ZNF331: variants seen among roughly 807,000 people sequenced by gnomAD.
The protein encoded by ZNF331 is zinc finger protein 331.
Under a neutral mutation model 7.0 loss-of-function variants are expected in ZNF331, and 2 were observed. The observed-to-expected ratio is 0.29, with a 90% CI of 0.12 to 0.90. ZNF331 has a LOEUF of 0.90. ZNF331 is among the 40% of genes least tolerant of loss of function. ZNF331 has a pLI of 0.58. For synonymous variants in ZNF331, 196 were observed against 205.4 expected (o/e 0.95, Z 0.39); for missense variants, 432 against 587.7 (o/e 0.74, Z 2.74).
upstream of ZNF331, among the ~76,000 whole-genome samples, chr19:53,520,039 C>T (rs2087008245): frequency 1.3e-5 from 2 of 151,064 alleles, no homozygotes; most frequent in African/African-American, 2.4e-5. Context: ...GCTTTCCGGG[C>T]TTATTATTAT....
chr19:53,542,883 C>T (rs922529870), intron 2 of ZNF331, among the ~76,000 whole-genome samples: 4 of 152,226 alleles, frequency 2.6e-5, no homozygotes, highest in Admixed American at 2.0e-4. Flanking sequence ...AATCGCGGCT[C>T]ACCGCAACCT....
At chr19:53,574,379 G>A (rs775098060) in intron 5 of ZNF331, among the ~76,000 whole-genome samples, 1 of 152,162 alleles carries the variant, frequency 6.6e-6, no homozygotes, top group South Asian at 2.1e-4. Flanking sequence ...ACCCTGAGGT[G>A]TTGGAGAGCT....
chr19:53,525,296 G>A (rs139638710), intron 2 of ZNF331, among the ~76,000 whole-genome samples: 103 of 152,202 alleles, frequency 6.8e-4, no homozygotes, highest in Non-Finnish European at 1.3e-3. Context: ...TTCCAATTCT[G>A]TGAAGAAAGT....
At chr19:53,513,294 T>G in the ZNF331 span, among the ~76,000 whole-genome samples, 4 of 151,930 alleles carry the variant, frequency 2.6e-5, no homozygotes. Context: ...CAGATAGCTC[T>G]TGGAAATACC....
the ZNF331 span, among the ~76,000 whole-genome samples, chr19:53,504,647 GTGA>G: frequency 6.6e-6 from 1 of 152,190 alleles, no homozygotes; most frequent in East Asian, 1.9e-4. Context: ...TGTCATTTTC[GTGA>G]TGAATAGTAA....
At chr19:53,533,330 A>G (rs918453062), upstream of ZNF331, among the ~76,000 whole-genome samples, 15 of 152,198 alleles carry the variant, frequency 9.9e-5, no homozygotes. Flanking sequence ...TTTCTAGCTT[A>G]ATACCACTGT....
At chr19:53,570,971 G>A (rs1202860042) in intron 4 of ZNF331, among the ~76,000 whole-genome samples, 2 of 151,054 alleles carry the variant, frequency 1.3e-5, no homozygotes, top group Non-Finnish European at 2.9e-5. Context: ...CCATTCTCCT[G>A]CCTCAGCCTC....
intron 2 of ZNF331, among the ~76,000 whole-genome samples, chr19:53,523,779 T>A (rs987886760): frequency 4.6e-5 from 7 of 152,048 alleles, no homozygotes; most frequent in Admixed American, 1.3e-4. Context: ...TATTTTTTTT[T>A]TATACTTTAA....
upstream of ZNF331, among the ~76,000 whole-genome samples, chr19:53,533,543 T>G (rs1481744524): frequency 6.6e-6 from 1 of 152,224 alleles, no homozygotes; most frequent in South Asian, 2.1e-4. Flanking sequence ...TGTTTCCTTA[T>G]TGATTTTCTG....
chr19:53,525,870 A>G (rs1020683053), intron 2 of ZNF331, among the ~76,000 whole-genome samples: 4 of 152,048 alleles, frequency 2.6e-5, no homozygotes, highest in Non-Finnish European at 5.9e-5. Flanking sequence ...CTTGTTCCTG[A>G]TATTTCAACT....
At chr19:53,559,162 A>G (rs1211131403) in intron 3 of ZNF331, among the ~76,000 whole-genome samples, 1 of 143,934 alleles carries the variant, frequency 6.9e-6, no homozygotes, top group East Asian at 1.9e-4. Flanking sequence ...ACACACCTAC[A>G]TATATACACA....
chr19:53,520,900 A>C (rs1385900193), upstream of ZNF331: 1 of 152,028 alleles, frequency 6.6e-6, no homozygotes, highest in Admixed American at 6.5e-5. Context: ...TACATTTCCC[A>C]GAGGCCTCTG....
Position 53,578,137 on chromosome 19 carries a change from C to T in ZNF331, c.*185C>T, listed in dbSNP as rs538347885. 2.2e-4 allele frequency: 174 copies of T among 791,984 alleles called. No individual in the cohort carries two copies. The highest frequency in any genetic ancestry group is 2.8e-4 in the Non-Finnish European group (148 of 522,646). The allele number at this position is 791,984 out of a possible 1,614,324, so 49.1% of individuals were successfully genotyped here. On this transcript the variant is annotated 3_prime_UTR_variant, in exon 6 of 6. Transcript: ENST00000449416. ...TCTCTCGCTGTCCGGCTCCAGCCGG[C>T]CGGGGATGTGAGTCATCCCTTGGTC... is the stretch of plus-strand genomic sequence containing the variant.
intron 3 of ZNF331, among the ~76,000 whole-genome samples, chr19:53,564,073 TC>T (rs375915056): frequency 6.7e-4 from 75 of 111,386 alleles, no homozygotes; most frequent in African/African-American, 2.7e-3. Context: ...GAGCCTGCAT[TC>T]TTTTTTTTTT....
At chr19:53,533,835 C>A (rs2087635986), upstream of ZNF331, among the ~76,000 whole-genome samples, 1 of 152,164 alleles carries the variant, frequency 6.6e-6, no homozygotes, top group Non-Finnish European at 1.5e-5. Context: ...GGGGCGACAA[C>A]TCACCATGCA....
chr19:53,570,410 G>C (rs1375906958), intron 4 of ZNF331, among the ~76,000 whole-genome samples: 1 of 152,202 alleles, frequency 6.6e-6, no homozygotes. Flanking sequence ...GTGAATAACT[G>C]TAATAAACAG....
At chr19:53,505,345 T>G in the ZNF331 span, among the ~76,000 whole-genome samples, 12 of 152,122 alleles carry the variant, frequency 7.9e-5, no homozygotes, top group Non-Finnish European at 1.5e-4. Flanking sequence ...TGGAGTGCAA[T>G]GGTGCCATCT....
chr19:53,519,114 C>T (rs2086977451), upstream of ZNF331, among the ~76,000 whole-genome samples: 1 of 152,064 alleles, frequency 6.6e-6, no homozygotes, highest in African/African-American at 2.4e-5. Context: ...TAGTCTTACC[C>T]ACACGTTCAT....
At chr19:53,548,565 G>T (rs1015541306) in intron 2 of ZNF331, among the ~76,000 whole-genome samples, 1 of 152,090 alleles carries the variant, frequency 6.6e-6, no homozygotes, top group South Asian at 2.1e-4. Context: ...CCCTATTTTG[G>T]ATATTAACCC....
Sources: allele counts gnomAD v4.1 joint callset (sites outside exome capture counted in the v4.1 genomes callset), GRCh38; gene constraint gnomAD v4.1.1; transcripts MANE v1.5; gene names NCBI Gene and HGNC (gene_info 2026-07-23, HGNC 2026-07-21).